EYA4: variants seen among roughly 807,000 people sequenced by gnomAD.
The protein encoded by EYA4 is EYA transcriptional coactivator and phosphatase 4, also known as protein phosphatase EYA4.
Under a neutral mutation model 87.9 loss-of-function variants are expected in EYA4, and 31 were observed. The observed-to-expected ratio is 0.35, with a 90% confidence interval of 0.27 to 0.48. The LOEUF is 0.48. Ranked by LOEUF, EYA4 falls within the 20% of genes least tolerant of loss-of-function variation. The pLI is 0.99. For synonymous variants in EYA4, 263 were observed against 270.6 expected, an observed-to-expected ratio of 0.97 and a Z score of 0.28; for missense variants, 678 against 761.4, an observed-to-expected ratio of 0.89 and a Z score of 1.29.
At chr6:133,460,976 G>C (rs1794332738) in intron 6 of EYA4, 138 bp from the exon 7 acceptor site, 1 of 713,240 alleles carries the variant, frequency 1.4e-6, no homozygotes, top group Non-Finnish European at 2.6e-6. Context: ...AAGTGTTTAG[G>C]CAGCTGTTTC....
At chr6:133,321,544 G>A (rs62431680) in intron 2 of EYA4, among the ~76,000 whole-genome samples, 17,545 of 152,128 alleles carry the variant, frequency 0.12, 1,273 homozygotes, top group Non-Finnish European at 0.16. Flanking sequence ...AGGAAGACAA[G>A]GAACTTTCCC....
At chr6:133,342,945 A>G (rs1184726787) in intron 2 of EYA4, among the ~76,000 whole-genome samples, 1 of 152,062 alleles carries the variant, frequency 6.6e-6, no homozygotes, top group African/African-American at 2.4e-5. Flanking sequence ...GACCTTCATG[A>G]TTTTTGTACA....
chr6:133,294,083 A>G (rs1342389471), intron 2 of EYA4, among the ~76,000 whole-genome samples: 2 of 122,764 alleles, frequency 1.6e-5, no homozygotes, highest in Admixed American at 1.7e-4. Flanking sequence ...TATATATAAC[A>G]TTCTACTGTA....
chr6:133,271,955 G>A (rs887190866), intron 1 of EYA4, among the ~76,000 whole-genome samples: 2 of 152,178 alleles, frequency 1.3e-5, no homozygotes, highest in Admixed American at 6.5e-5. Context: ...CTTTTCCCCA[G>A]ATTTCTTTGT....
At chr6:133,266,886 A>G (rs1776266880) in intron 1 of EYA4, among the ~76,000 whole-genome samples, 1 of 152,190 alleles carries the variant, frequency 6.6e-6, no homozygotes, top group South Asian at 2.1e-4. Flanking sequence ...ATTATCAGAT[A>G]CATTATGTAT....
chr6:133,515,342 G>C lies in EYA4; in HGVS notation c.1523G>C (p.Arg508Thr), dbSNP rs543789215. 6 of 1,612,162 alleles carry C rather than the reference G, an allele frequency of 3.7e-6. No homozygotes were observed. In the African/African-American group the frequency reaches 8.0e-5, roughly 22 times the overall value. Reference sequence around the variant, plus strand: ...GCAGGACTCCTTGGCCCTGCCAAGAGGGATGCCTGGCTACAGTTAAGGGCA... The same window carrying C: ...GCAGGACTCCTTGGCCCTGCCAAGACGGATGCCTGGCTACAGTTAAGGGCA... Reference protein sequence around the residue: ...NVGGLLGPAKRDAWLQLRAEI... With the variant: ...NVGGLLGPAKTDAWLQLRAEI... Residue 508 changes from arginine (R) to threonine (T), a missense_variant, in exon 17 of 20, where the codon AGG becomes ACG. Physicochemically the swap from Arg to Thr is moderately conservative, Grantham distance 71. Coordinates refer to ENST00000355286, the MANE Select transcript of EYA4 (RefSeq NM_004100.5).
At chr6:133,330,825 A>T (rs1781882512) in intron 2 of EYA4, among the ~76,000 whole-genome samples, 1 of 151,910 alleles carries the variant, frequency 6.6e-6, no homozygotes, top group Non-Finnish European at 1.5e-5. Context: ...CAGGATATGT[A>T]TCTTGTGCAA....
chr6:133,250,514 C>T (rs1313632819), intron 1 of EYA4, among the ~76,000 whole-genome samples: 3 of 151,976 alleles, frequency 2.0e-5, no homozygotes, highest in East Asian at 1.9e-4. Flanking sequence ...TGGTGGTGGG[C>T]GCCTGTAATC....
chr6:133,351,275 G>A lies in EYA4; in HGVS notation c.34-31117G>A, dbSNP rs114654663. 2.7e-3 allele frequency among the ~76,000 whole-genome samples: 410 copies of A among 152,238 alleles called. 1 individual carries two copies. The highest frequency in any genetic ancestry group is 9.5e-3 in the African/African-American group (394 of 41,540). ...TATTTAGTGAGGCCTCTGTACTCTGGCTGGATAAAATACAAATGTCTTCTA... is the reference window on the plus strand; with the variant it reads ...TATTTAGTGAGGCCTCTGTACTCTGACTGGATAAAATACAAATGTCTTCTA... On this transcript the variant is annotated intron_variant, in intron 2 of 19. Coordinates refer to ENST00000355286, the MANE Select transcript of EYA4 (RefSeq NM_004100.5).
intron 2 of EYA4, among the ~76,000 whole-genome samples, chr6:133,351,837 A>C (rs2128426603): frequency 6.6e-6 from 1 of 152,300 alleles, no homozygotes; most frequent in East Asian, 1.9e-4. Context: ...GAACCTAATG[A>C]ACCCTTATGC....
At chr6:133,528,609 G>A in intron 19 of EYA4, 116 bp from the exon 20 acceptor site, 1 of 830,176 alleles carries the variant, frequency 1.2e-6, no homozygotes, top group South Asian at 1.3e-5. Context: ...CTGAACTTGG[G>A]TGGACCACAC....
At chr6:133,521,858 CG>C (rs1222294190) in intron 17 of EYA4, among the ~76,000 whole-genome samples, 5 of 136,522 alleles carry the variant, frequency 3.7e-5, no homozygotes, top group Non-Finnish European at 7.8e-5. Flanking sequence ...AGTAAACTAT[CG>C]CAAGAACAAA....
At chr6:133,383,823 G>A (rs1786466129) in intron 3 of EYA4, among the ~76,000 whole-genome samples, 1 of 152,106 alleles carries the variant, frequency 6.6e-6, no homozygotes, top group Admixed American at 6.6e-5. Flanking sequence ...TTAGGAAATG[G>A]ATGAACCACT....
intron 18 of EYA4, chr6:133,524,937 G>A: frequency 8.5e-7 from 1 of 1,171,722 alleles, no homozygotes; most frequent in Non-Finnish European, 1.3e-6. Flanking sequence ...TGTTCAAGAG[G>A]CATTAACTTA....
intron 2 of EYA4, among the ~76,000 whole-genome samples, chr6:133,307,224 C>G (rs905671012): frequency 1.3e-5 from 2 of 152,190 alleles, no homozygotes; most frequent in Non-Finnish European, 2.9e-5. Context: ...TCTTAGCTCC[C>G]TGAGGTTTTG....
intron 2 of EYA4, among the ~76,000 whole-genome samples, chr6:133,366,942 T>C (rs1167342418): frequency 2.6e-5 from 4 of 152,230 alleles, no homozygotes; most frequent in African/African-American, 7.2e-5. Context: ...TGTTCTCCCA[T>C]GTTGGCTCTG....
intron 3 of EYA4, among the ~76,000 whole-genome samples, chr6:133,428,988 A>G (rs546344808): frequency 1.7e-5 from 2 of 115,166 alleles, no homozygotes; most frequent in African/African-American, 6.6e-5. Flanking sequence ...GGGCTGTGGC[A>G]TGATCTCGGC....
chr6:133,282,204 C>T (rs993525985), intron 2 of EYA4, among the ~76,000 whole-genome samples: 1 of 152,180 alleles, frequency 6.6e-6, no homozygotes, highest in Non-Finnish European at 1.5e-5. Context: ...TACATTCCCA[C>T]CAGCAGTATA....
chr6:133,279,929 T>C (rs898555711), intron 2 of EYA4, among the ~76,000 whole-genome samples: 1 of 152,220 alleles, frequency 6.6e-6, no homozygotes, highest in African/African-American at 2.4e-5. Context: ...GATTAATTTT[T>C]GTTTAAATCA....
Sources: allele counts gnomAD v4.1 joint callset (sites outside exome capture counted in the v4.1 genomes callset), GRCh38; gene constraint gnomAD v4.1.1; transcripts MANE v1.5; gene names NCBI Gene and HGNC (gene_info 2026-07-23, HGNC 2026-07-21).